TMEM132D: variants seen among roughly 807,000 people sequenced by gnomAD.
The protein encoded by TMEM132D is mature OL transmembrane protein.
In TMEM132D, 21 loss-of-function variants were observed where a neutral mutation model predicts 62.3. That is an observed-to-expected ratio of 0.34 (90% confidence interval 0.24 to 0.49). The LOEUF is 0.49. Among genes scored for constraint, TMEM132D ranks in the 20% least tolerant of loss-of-function variants. The pLI is 0.99. For synonymous variants in TMEM132D, 621 were observed against 575.6 expected (o/e 1.08, Z -1.13); for missense variants, 1,346 against 1,402.8 (o/e 0.96, Z 0.65).
chr12:129,300,401 G>A (rs1410230374), intron 4 of TMEM132D, among the ~76,000 whole-genome samples: 1 of 152,222 alleles, frequency 6.6e-6, no homozygotes, highest in Non-Finnish European at 1.5e-5. Context: ...GAAGAAATGT[G>A]ACGATGAATA....
At chr12:129,792,402 A>G (rs1030897439) in intron 1 of TMEM132D, among the ~76,000 whole-genome samples, 1 of 152,218 alleles carries the variant, frequency 6.6e-6, no homozygotes, top group African/African-American at 2.4e-5. Context: ...TGCTGGAATG[A>G]GACAGAAAGT....
rs774623607 is a variant in TMEM132D, at chr12:129,074,099, C to T, written c.3076G>A (p.Asp1026Asn). 6.2e-7 allele frequency: 1 copy of T among 1,614,140 alleles called. No homozygotes were observed. The highest frequency in any genetic ancestry group is 8.5e-7 in the Non-Finnish European group (1 of 1,180,036). ...GGCTCACTTTTCTGATCTTTCCCAT[C>T]AATGATGATGGGTCCCAAAGGTTTG... The part of the protein sequence containing the change: ...LFKPLGPIII[D>N]GKDQKSEPPT... Residue 1026 changes from aspartate (D) to asparagine (N), a missense_variant, in exon 9 of 9, where the codon GAT (aspartate) becomes AAT (asparagine). Asp to Asn is a conservative substitution (Grantham distance 23, BLOSUM62 1). Coordinates refer to ENST00000422113, the MANE Select transcript of TMEM132D (RefSeq NM_133448.3).
chr12:129,336,256 T>C (rs1232530118), intron 4 of TMEM132D, among the ~76,000 whole-genome samples: 1 of 152,162 alleles, frequency 6.6e-6, no homozygotes, highest in Non-Finnish European at 1.5e-5. Context: ...AGATTTTTGT[T>C]TCTAGCTCTA....
At chr12:129,554,064 GTA>G (rs1398478166) in intron 2 of TMEM132D, among the ~76,000 whole-genome samples, 3 of 152,078 alleles carry the variant, frequency 2.0e-5, no homozygotes, top group Non-Finnish European at 4.4e-5. Context: ...CCTCAACTAG[GTA>G]TATGTCGGAA....
intron 1 of TMEM132D, among the ~76,000 whole-genome samples, chr12:129,870,715 A>T (rs1446389655): frequency 6.6e-6 from 1 of 152,102 alleles, no homozygotes; most frequent in Non-Finnish European, 1.5e-5. Flanking sequence ...GGTTGTAGGA[A>T]CCCCAAAATG....
intron 3 of TMEM132D, among the ~76,000 whole-genome samples, chr12:129,344,909 A>G (rs1258212797): frequency 6.6e-6 from 1 of 152,112 alleles, no homozygotes; most frequent in Non-Finnish European, 1.5e-5. Flanking sequence ...TTTAACAGCT[A>G]TGAGCAGTAA....
chr12:129,214,290 T>A (rs11503065), intron 4 of TMEM132D, among the ~76,000 whole-genome samples: 2 of 152,246 alleles, frequency 1.3e-5, no homozygotes, highest in African/African-American at 2.4e-5. Flanking sequence ...TTTGTTTTTT[T>A]AAATTTCCTC....
chr12:129,491,896 C>T (rs1448610021), intron 3 of TMEM132D, among the ~76,000 whole-genome samples: 2 of 151,642 alleles, frequency 1.3e-5, no homozygotes, highest in African/African-American at 2.4e-5. Flanking sequence ...GAACTGAGAT[C>T]GTGCCACTGC....
chr12:129,563,483 A>G (rs986585361), intron 2 of TMEM132D, among the ~76,000 whole-genome samples: 1 of 152,184 alleles, frequency 6.6e-6, no homozygotes, highest in Non-Finnish European at 1.5e-5. Context: ...GTGGGAAGAC[A>G]TGCTTAGACA....
At chr12:129,573,278 G>A (rs1324145200) in intron 2 of TMEM132D, among the ~76,000 whole-genome samples, 1 of 152,170 alleles carries the variant, frequency 6.6e-6, no homozygotes, top group Admixed American at 6.5e-5. Flanking sequence ...AGCCCACAGG[G>A]GACCACTCCA....
At chr12:129,214,829 T>TG (rs757657286) in intron 4 of TMEM132D, among the ~76,000 whole-genome samples, 2 of 152,322 alleles carry the variant, frequency 1.3e-5, no homozygotes, top group South Asian at 2.1e-4. Context: ...GGTGACATTG[T>TG]GGGGTAAAGG....
intron 2 of TMEM132D, among the ~76,000 whole-genome samples, chr12:129,650,670 T>C (rs1309540881): frequency 6.6e-6 from 1 of 152,240 alleles, no homozygotes; most frequent in Non-Finnish European, 1.5e-5. Flanking sequence ...GAAATGGTAC[T>C]TTGGCGTGAC....
chr12:129,871,434 C>G (rs1055426001), intron 1 of TMEM132D, among the ~76,000 whole-genome samples: 2 of 152,060 alleles, frequency 1.3e-5, no homozygotes, highest in Non-Finnish European at 2.9e-5. Flanking sequence ...CCAGCTGAGA[C>G]AGAAGGCAGA....
intron 3 of TMEM132D, among the ~76,000 whole-genome samples, chr12:129,445,287 A>C (rs1292893796): frequency 6.6e-6 from 1 of 152,126 alleles, no homozygotes; most frequent in Non-Finnish European, 1.5e-5. Flanking sequence ...AAAGAGGGGA[A>C]CAACACGCTG....
At chr12:129,122,490 G>A (rs1328691452) in intron 5 of TMEM132D, among the ~76,000 whole-genome samples, 1 of 152,162 alleles carries the variant, frequency 6.6e-6, no homozygotes, top group East Asian at 1.9e-4. Context: ...GGACTCGCCT[G>A]ATTTATCTCT....
intron 5 of TMEM132D, among the ~76,000 whole-genome samples, chr12:129,096,866 A>G (rs867214376): frequency 2.0e-5 from 3 of 152,226 alleles, no homozygotes; most frequent in Non-Finnish European, 4.4e-5. Flanking sequence ...ACATTTTTAC[A>G]CAACCTCAAA....
At chr12:129,580,730 AAAATAAAT>A (rs10623142) in intron 2 of TMEM132D, among the ~76,000 whole-genome samples, 7 of 124,376 alleles carry the variant, frequency 5.6e-5, no homozygotes, top group Admixed American at 2.3e-4. Context: ...TAAGTAAATA[AAAATAAAT>A]AAATAAATAA....
chr12:129,106,427 TA>T (rs1197086410), intron 5 of TMEM132D, among the ~76,000 whole-genome samples: 1 of 150,260 alleles, frequency 6.7e-6, no homozygotes, highest in Admixed American at 6.6e-5. Context: ...AATAATAAAA[TA>T]AAAAATAAAA....
At chr12:129,506,309 A>T (rs1001417347) in intron 3 of TMEM132D, among the ~76,000 whole-genome samples, 2 of 152,148 alleles carry the variant, frequency 1.3e-5, no homozygotes, top group Non-Finnish European at 2.9e-5. Context: ...ATTGAATGCA[A>T]TTCCCTTCAA....
Sources: allele counts gnomAD v4.1 joint callset (sites outside exome capture counted in the v4.1 genomes callset), GRCh38; gene constraint gnomAD v4.1.1; transcripts MANE v1.5; gene names NCBI Gene and HGNC (gene_info 2026-07-23, HGNC 2026-07-21).